UFC1: variants seen among roughly 807,000 people sequenced by gnomAD.
UFC1 encodes ubiquitin-fold modifier-conjugating enzyme 1.
Under a neutral mutation model 28.0 loss-of-function variants are expected in UFC1, and 22 were observed. The ratio of observed to expected loss-of-function variants is 0.78; its 90% CI spans 0.56 to 1.12. The LOEUF (loss-of-function observed/expected upper bound fraction) is 1.12. Ranked by LOEUF, UFC1 falls within the 50% of genes most tolerant of loss-of-function variation. The pLI is 0.00. For synonymous variants in UFC1, 61 were observed against 74.5 expected (o/e 0.82, Z 0.93); for missense variants, 189 against 207.8 (o/e 0.91, Z 0.56).
intron 2 of UFC1, 44 bp downstream of exon 2, chr1:161,157,061 G>A (rs374413995): frequency 7.3e-5 from 117 of 1,593,964 alleles, no homozygotes; most frequent in Non-Finnish European, 9.2e-5. Flanking sequence ...AGTCTTATAT[G>A]AGTTAGGCAA....
intron 1 of UFC1, among the ~76,000 whole-genome samples, chr1:161,155,315 A>G (rs1032962941): frequency 2.0e-5 from 3 of 152,360 alleles, no homozygotes; most frequent in South Asian, 2.1e-4. Flanking sequence ...AAGGGACAGC[A>G]TGAGCAAAGG....
chr1:161,157,727 G>C (rs1162703406), intron 4 of UFC1, 34 bp downstream of exon 4: 1 of 1,592,484 alleles, frequency 6.3e-7, no homozygotes, highest in East Asian at 2.2e-5. Context: ...AAGAGTCAAA[G>C]AAAGCCTTAA....
chr1:161,156,919 C>G, intron 1 of UFC1, 31 bp from the exon 2 acceptor site: 3 of 1,603,598 alleles, frequency 1.9e-6, no homozygotes, highest in Non-Finnish European at 2.6e-6. Flanking sequence ...GCCCCAACTA[C>G]TCTCTCAAAG....
intron 1 of UFC1, among the ~76,000 whole-genome samples, chr1:161,156,160 G>C (rs561516751): frequency 6.6e-6 from 1 of 152,298 alleles, no homozygotes; most frequent in Admixed American, 6.5e-5. Context: ...TCTATTCTCT[G>C]TTCTGGGCAG....
intron 5 of UFC1, 92 bp from the exon 6 acceptor site, chr1:161,158,320 G>C (rs1657611035): frequency 2.5e-6 from 4 of 1,579,156 alleles, no homozygotes; most frequent in African/African-American, 1.3e-5. Context: ...CCTTAAGCAT[G>C]TTCCCCCAGA....
intron 1 of UFC1, among the ~76,000 whole-genome samples, chr1:161,155,553 G>A (rs909547974): frequency 2.6e-5 from 4 of 152,098 alleles, no homozygotes; most frequent in African/African-American, 9.7e-5. Context: ...GGCAATAAGG[G>A]GAAAATACAA....
At chr1:161,156,113 C>G (rs1657496518) in intron 1 of UFC1, among the ~76,000 whole-genome samples, 1 of 152,158 alleles carries the variant, frequency 6.6e-6, no homozygotes, top group African/African-American at 2.4e-5. Context: ...ATGGTATCTT[C>G]AGGTCTTTTG....
rs773422765 is a variant in UFC1 at position 161,158,141 on chromosome 1, C to T, written c.353C>T (p.Thr118Met). 18 of 1,614,128 alleles carry T rather than the reference C, an allele frequency of 1.1e-5. No homozygotes were observed. Among genetic ancestry groups the T allele is most frequent in the Admixed American group, 5.0e-5 (3 of 60,012 alleles). The change falls in exon 5 of 6, where the codon ACG (threonine) becomes ATG (methionine). Residue 118 changes from threonine (T) to methionine (M), a missense_variant. Transcript: ENST00000368003. ...KMYRGGKICLTDHFKPLWARN... is the reference protein window; with the variant it reads ...KMYRGGKICLMDHFKPLWARN... ...CATAGGGGTGGCAAAATATGCCTGA[C>T]GGATCATTTCAAACCTTTGTGGGCC...
intron 1 of UFC1, among the ~76,000 whole-genome samples, chr1:161,156,189 A>G (rs771714132): frequency 8.5e-5 from 13 of 152,182 alleles, no homozygotes; most frequent in Admixed American, 5.2e-4. Context: ...TTACCAGTAT[A>G]GCCTTGTCTT....
rs757697131 is a variant in UFC1 at position 161,154,048 on chromosome 1, G to T, written c.51G>T (p.Lys17Asn). 1 of 1,613,948 alleles carries T rather than the reference G, an allele frequency of 6.2e-7. No individual in the cohort carries two copies. Among genetic ancestry groups the T allele is most frequent in the African/African-American group, 1.3e-5 (1 of 74,874 alleles). The change falls in exon 1 of 6, where the codon AAG becomes AAT. Residue 17 changes from lysine to asparagine, a missense_variant. Physicochemically the swap from Lys to Asn is moderately conservative, Grantham distance 94. Coordinates refer to ENST00000368003, the MANE Select transcript of UFC1 (RefSeq NM_016406.4). ...TTGTGTCTGAGATCCCGGTGCTGAAGACTAACGCCGGACCCCGAGATCGTG... is the reference window on the plus strand; with the variant it reads ...TTGTGTCTGAGATCCCGGTGCTGAATACTAACGCCGGACCCCGAGATCGTG... ...RRVVSEIPVL[K>N]TNAGPRDREL...
chr1:161,158,234 A>G (rs1283960994), intron 5 of UFC1, 23 bp downstream of exon 5: 1 of 1,612,454 alleles, frequency 6.2e-7, no homozygotes. Flanking sequence ...TATTTGGCAT[A>G]AAAGGAGAAA....
intron 4 of UFC1, 92 bp downstream of exon 4, chr1:161,157,785 G>A: frequency 3.8e-6 from 4 of 1,061,092 alleles, no homozygotes; most frequent in Non-Finnish European, 5.8e-6. Flanking sequence ...AATAGCTAAT[G>A]GATGCTTGGC....
Position 161,158,399 on chromosome 1 carries a change from C to T in UFC1, c.424-13C>T, listed in dbSNP as rs750102104. ...ACTGGTAGTAATCTCACAGGATTTT[C>T]CTTGTATTGCAGCTGGGTCCATGGC... is the stretch of plus-strand genomic sequence containing the variant. On this transcript the variant is annotated splice_polypyrimidine_tract_variant and intron_variant, in intron 5 of 5. Transcript: ENST00000368003. 4 of 1,614,024 alleles carry T rather than the reference C, an allele frequency of 2.5e-6. No homozygotes were observed.
chr1:161,155,940 G>A (rs756514154), intron 1 of UFC1, among the ~76,000 whole-genome samples: 2 of 152,234 alleles, frequency 1.3e-5, no homozygotes, highest in Non-Finnish European at 2.9e-5. Context: ...TCTGAGGAAA[G>A]ATCTGGACCA....
chr1:161,156,851 T>A (rs61124670), intron 1 of UFC1, 99 bp from the exon 2 acceptor site: 1 of 1,108,358 alleles, frequency 9.0e-7, no homozygotes, highest in South Asian at 1.5e-5. Flanking sequence ...TCAATAAAAA[T>A]AAAAAATAAA....
chr1:161,156,288 T>G (rs374767262), intron 1 of UFC1, among the ~76,000 whole-genome samples: 134 of 152,004 alleles, frequency 8.8e-4, no homozygotes, highest in Middle Eastern at 3.4e-3. Flanking sequence ...CCCAGCACTT[T>G]GGGAGGCCAA....
chr1:161,154,866 C>A (rs1292270173), intron 1 of UFC1, among the ~76,000 whole-genome samples: 1 of 152,148 alleles, frequency 6.6e-6, no homozygotes, highest in African/African-American at 2.4e-5. Flanking sequence ...GGGAGTTTAG[C>A]TCATAGTTAG....
chr1:161,156,025 A>C (rs889594345), intron 1 of UFC1, among the ~76,000 whole-genome samples: 1 of 152,158 alleles, frequency 6.6e-6, no homozygotes, highest in Non-Finnish European at 1.5e-5. Context: ...GAAGGGAGTT[A>C]CCCAGGGAAG....
At chr1:161,154,191 C>A in intron 1 of UFC1, 71 bp downstream of exon 1, 1 of 1,577,834 alleles carries the variant, frequency 6.3e-7, no homozygotes, top group Non-Finnish European at 8.6e-7. Context: ...CAATAATAGG[C>A]TCCGTGTGGA....
Sources: allele counts gnomAD v4.1 joint callset (sites outside exome capture counted in the v4.1 genomes callset), GRCh38; gene constraint gnomAD v4.1.1; transcripts MANE v1.5; gene names NCBI Gene and HGNC (gene_info 2026-07-23, HGNC 2026-07-21).